Variants in LINGO2 observed in about 807,000 individuals in gnomAD.
LINGO2 encodes the protein leucine rich repeat and Ig domain containing 2.
LINGO2 carries 14 observed loss-of-function variants against 30.6 expected under a neutral mutation model. The ratio of observed to expected loss-of-function variants is 0.46; its 90% CI spans 0.30 to 0.72. LINGO2 has a LOEUF of 0.72. Ranked by LOEUF, LINGO2 falls within the 30% of genes least tolerant of loss-of-function variation. The pLI, the probability that LINGO2 is intolerant of heterozygous loss-of-function variation, is 0.07. For synonymous variants in LINGO2, 317 were observed against 288.5 expected, an observed-to-expected ratio of 1.10 and a Z score of -1.00; for missense variants, 729 against 751.7, an observed-to-expected ratio of 0.97 and a Z score of 0.35.
At chr9:28,301,357 A>G (rs7027752) in intron 3 of LINGO2, among the ~76,000 whole-genome samples, 10,223 of 150,692 alleles carry the variant, frequency 0.068, 622 homozygotes, top group African/African-American at 0.17. Flanking sequence ...AAAATCCATG[A>G]CAAGTTAAAA....
At chr9:28,486,079 A>C (rs966355517) in intron 1 of LINGO2, among the ~76,000 whole-genome samples, 4 of 152,132 alleles carry the variant, frequency 2.6e-5, no homozygotes, top group Admixed American at 2.0e-4. Context: ...CTCGGAATTA[A>C]TTTCAATTAG....
intron 4 of LINGO2, among the ~76,000 whole-genome samples, chr9:28,018,852 G>C (rs184106606): frequency 4.6e-5 from 7 of 152,128 alleles, no homozygotes; most frequent in Non-Finnish European, 1.0e-4. Flanking sequence ...TATACGCAAA[G>C]AAATACAAAT....
At chr9:29,040,131 T>C in the LINGO2 span, among the ~76,000 whole-genome samples, 1 of 152,160 alleles carries the variant, frequency 6.6e-6, no homozygotes, top group South Asian at 2.1e-4. Flanking sequence ...TGATCTTCAT[T>C]GTTCAGTTTC....
At chr9:28,231,402 T>C (rs1281105770) in intron 4 of LINGO2, among the ~76,000 whole-genome samples, 1 of 152,028 alleles carries the variant, frequency 6.6e-6, no homozygotes, top group Non-Finnish European at 1.5e-5. Context: ...TGTGGGAAAA[T>C]TGGTTTTTCT....
intron 3 of LINGO2, among the ~76,000 whole-genome samples, chr9:28,310,543 C>A (rs536374779): frequency 6.6e-6 from 1 of 152,226 alleles, no homozygotes; most frequent in South Asian, 2.1e-4. Flanking sequence ...ATTCTGTAAT[C>A]ATAGCAGTTC....
intron 4 of LINGO2, among the ~76,000 whole-genome samples, chr9:28,027,733 A>T (rs1007807394): frequency 1.9e-4 from 29 of 152,200 alleles, no homozygotes; most frequent in Non-Finnish European, 3.1e-4. Flanking sequence ...TATTTAGCAC[A>T]ATGAAACACG....
At chr9:28,861,165 T>C in the LINGO2 span, among the ~76,000 whole-genome samples, 2 of 116,372 alleles carry the variant, frequency 1.7e-5, no homozygotes, top group Non-Finnish European at 3.3e-5. Flanking sequence ...TATATAAATA[T>C]ATAAAATATA....
At chr9:28,775,359 T>C in the LINGO2 span, among the ~76,000 whole-genome samples, 1 of 152,206 alleles carries the variant, frequency 6.6e-6, no homozygotes, top group Non-Finnish European at 1.5e-5. Context: ...ATCTCACTGC[T>C]ATCTGAGCCA....
chr9:28,106,886 A>G (rs569807318), intron 4 of LINGO2, among the ~76,000 whole-genome samples: 37 of 152,180 alleles, frequency 2.4e-4, no homozygotes, highest in Admixed American at 5.2e-4. Context: ...TTTTATTTAC[A>G]TACTTTTTCC....
Position 27,948,969 on chromosome 9 carries a change from CG to C in LINGO2, c.1702del (p.Arg568GlufsTer28). The C allele has an allele frequency of 6.2e-7, 1 of 1,613,952 alleles. No individual in the cohort carries two copies. Among genetic ancestry groups the C allele is most frequent in the Non-Finnish European group, 8.5e-7 (1 of 1,179,970 alleles). ...GCTGTTTTTGTGCTTGCCTTTCCCT[CG>C]GCTCCACACAAAAAGGAGAAGAAAA... On this transcript the variant is annotated frameshift_variant, in exon 6 of 6. Coordinates refer to ENST00000379992, the Ensembl canonical transcript of LINGO2. LOFTEE classifies it high-confidence loss of function.
At chr9:27,988,138 T>C (rs964794567) in intron 5 of LINGO2, among the ~76,000 whole-genome samples, 6 of 151,994 alleles carry the variant, frequency 3.9e-5, no homozygotes, top group Admixed American at 1.3e-4. Flanking sequence ...TTGCTGAGAA[T>C]GATGGTTTCC....
chr9:28,739,374 A>G, the LINGO2 span, among the ~76,000 whole-genome samples: 1 of 151,916 alleles, frequency 6.6e-6, no homozygotes, highest in Admixed American at 6.6e-5. Context: ...ATGATTGTCT[A>G]ATGGAAACAC....
chr9:28,937,516 C>A, the LINGO2 span, among the ~76,000 whole-genome samples: 1 of 152,152 alleles, frequency 6.6e-6, no homozygotes, highest in Non-Finnish European at 1.5e-5. Context: ...GAGAATAATT[C>A]TCTTTGGCTT....
At chr9:28,135,134 T>C (rs11792241) in intron 4 of LINGO2, among the ~76,000 whole-genome samples, 11,506 of 152,054 alleles carry the variant, frequency 0.076, 590 homozygotes, top group Middle Eastern at 0.13. Context: ...TACCAATGAA[T>C]AAAAAACAAT....
chr9:28,160,957 T>A (rs1425330382), intron 4 of LINGO2, among the ~76,000 whole-genome samples: 1 of 152,122 alleles, frequency 6.6e-6, no homozygotes, highest in Non-Finnish European at 1.5e-5. Context: ...CAGTGTTTGG[T>A]GTTACCCAGC....
At chr9:28,036,751 T>C (rs968915467) in intron 4 of LINGO2, among the ~76,000 whole-genome samples, 16 of 152,090 alleles carry the variant, frequency 1.1e-4, no homozygotes, top group Admixed American at 5.2e-4. Flanking sequence ...AAAATGCAAA[T>C]AGATACACGT....
At chr9:28,150,347 T>C (rs1827963690) in intron 4 of LINGO2, among the ~76,000 whole-genome samples, 1 of 152,182 alleles carries the variant, frequency 6.6e-6, no homozygotes, top group Admixed American at 6.5e-5. Flanking sequence ...ATTTTCGACA[T>C]TGAAGTTTAC....
chr9:28,907,428 T>C, the LINGO2 span, among the ~76,000 whole-genome samples: 135 of 151,472 alleles, frequency 8.9e-4, no homozygotes, highest in Non-Finnish European at 1.7e-3. Context: ...TTTTGGCAGG[T>C]GGTAAGGAAA....
At chr9:28,726,399 T>A in the LINGO2 span, among the ~76,000 whole-genome samples, 1 of 152,176 alleles carries the variant, frequency 6.6e-6, no homozygotes, top group Admixed American at 6.5e-5. Flanking sequence ...CACAATGGGA[T>A]AAATCTAAAT....
Sources: gnomAD v4.1 joint callset for allele counts (sites outside exome capture counted in the v4.1 genomes callset) on GRCh38, gnomAD v4.1.1 for gene constraint, MANE v1.5 for transcripts, NCBI Gene and HGNC (gene_info 2026-07-23, HGNC 2026-07-21) for gene names.